Variants in DKC1 observed in about 807,000 individuals in gnomAD.
DKC1 encodes the protein H/ACA ribonucleoprotein complex subunit DKC1.
A neutral mutation model predicts 46.7 loss-of-function variants in DKC1; 4 were observed. The observed-to-expected ratio is 0.09, with a 90% CI of 0.04 to 0.20. DKC1 has a LOEUF of 0.20. Ranked by LOEUF, DKC1 falls within the 10% of genes least tolerant of loss-of-function variation. The probability of loss-of-function intolerance (pLI) is 1.00; values close to 1 mark genes in which losing one functional copy is unlikely to be tolerated. For synonymous variants in DKC1, 141 were observed against 142.4 expected (o/e 0.99, Z 0.07); for missense variants, 171 against 404.2 (o/e 0.42, Z 4.95).
chrX:154,769,718 T>G (rs2071797718), intron 9 of DKC1, among the ~76,000 whole-genome samples: 1 of 112,843 alleles, frequency 8.9e-6, no homozygotes. Flanking sequence ...GGTAATTATT[T>G]ATATTCAAAT....
chrX:154,762,910 T>C lies in DKC1; in HGVS notation c.-56T>C. 3.4e-6 allele frequency: 4 copies of C among 1,163,334 alleles called. No homozygotes were observed. The highest frequency in any genetic ancestry group is 4.6e-6 in the Non-Finnish European group (4 of 868,974). ...CCTGACGGGACCAAGGCGGCGGGAG[T>C]CTGCGGTCGTTCCCTCGGCTGTGGA... On this transcript the variant is annotated 5_prime_UTR_variant, in exon 1 of 15. Coordinates refer to ENST00000369550, the MANE Select transcript of DKC1 (RefSeq NM_001363.5).
chrX:154,775,244 G>A lies in DKC1; in HGVS notation c.1309G>A (p.Val437Ile), dbSNP rs1557265548. Residue 437 changes from valine to isoleucine, a missense_variant, in exon 13 of 15, where the codon GTA becomes ATA. By Grantham distance (29) the Val-to-Ile change is conservative. Around this residue, in one of 4 missense-constraint regions of DKC1, gnomAD observed 54 missense variants for 64.4 expected, o/e 0.84. Transcript: ENST00000369550. ...VVAEVVKAPQ[V>I]VAEAAKTAKR... ...TGCTGAAGTGGTAAAAGCCCCGCAG[G>A]TAGTTGCCGAAGCAGCAAAAACTGC... is the stretch of plus-strand genomic sequence containing the variant. 1.7e-6 allele frequency: 2 copies of A among 1,211,930 alleles called. No homozygotes were observed. The highest frequency in any genetic ancestry group is 2.2e-5 in the Admixed American group (1 of 46,120).
rs1557265675 is a variant in DKC1, at chrX:154,776,198, G to C, written c.1350G>C (p.Glu450Asp). 3 of 1,212,093 alleles carry C rather than the reference G, an allele frequency of 2.5e-6. No homozygotes were observed. In the Admixed American group the frequency reaches 6.5e-5, roughly 26 times the overall value. Residue 450 changes from glutamate (E) to aspartate (D), a missense_variant, in exon 14 of 15, where the codon GAG becomes GAC. Physicochemically the swap from Glu to Asp is conservative, Grantham distance 45. Coordinates refer to ENST00000369550, the MANE Select transcript of DKC1 (RefSeq NM_001363.5). Reference protein sequence around the residue: ...EAAKTAKRKRESESESDETPP... With the variant: ...EAAKTAKRKRDSESESDETPP... ...TGCTTTCATCTCAGCGGAAGCGAGA[G>C]AGTGAGAGTGAAAGTGACGAGACTC... is the stretch of plus-strand genomic sequence containing the variant.
At chrX:154,763,261 C>G (rs1557263786) in intron 1 of DKC1, among the ~76,000 whole-genome samples, 1 of 112,571 alleles carries the variant, frequency 8.9e-6, no homozygotes, top group African/African-American at 3.2e-5. Context: ...TGCTGCCCAC[C>G]CCGCGGTGGC....
chrX:154,769,534 A>G (rs782416401), intron 9 of DKC1, among the ~76,000 whole-genome samples: 11 of 111,908 alleles, frequency 9.8e-5, no homozygotes, highest in Non-Finnish European at 1.9e-4. Flanking sequence ...AGGCTGAGGC[A>G]AGAGGATCAC....
chrX:154,772,936 C>T (rs2071842060), intron 10 of DKC1, among the ~76,000 whole-genome samples, 195 bp from the exon 11 acceptor site: 1 of 111,862 alleles, frequency 8.9e-6, no homozygotes, highest in African/African-American at 3.3e-5. Flanking sequence ...AGAAGTTTAA[C>T]GTCATTTCAA....
At chrX:154,766,635 G>A in intron 5 of DKC1, 3 of 441,809 alleles carry the variant, frequency 6.8e-6, no homozygotes, top group Admixed American at 3.9e-5. Flanking sequence ...CCATTTGTCC[G>A]GGTTCAGCTC....
At chrX:154,763,106 G>T in intron 1 of DKC1, 125 bp downstream of exon 1, 1 of 877,146 alleles carries the variant, frequency 1.1e-6, no homozygotes. Context: ...CCTCTTCACC[G>T]CCCGGCCTTA....
chrX:154,769,056 C>A, intron 8 of DKC1, 111 bp from the exon 9 acceptor site: 4 of 466,351 alleles, frequency 8.6e-6, no homozygotes, highest in Non-Finnish European at 1.5e-5. Context: ...AGGCTGAAGA[C>A]ATAATGAGCT....
rs1467718236 is a variant in DKC1, at chrX:154,777,108, G to A, written c.*241G>A. 1.3e-5 allele frequency: 4 copies of A among 314,238 alleles called. No homozygotes were observed. In the Middle Eastern group the frequency reaches 2.1e-3, roughly 162 times the overall value. 25.9% of individuals were successfully genotyped at this position (314,238 alleles called of 1,213,427 possible). Reference sequence around the variant, plus strand: ...CAGAGTTTATCCCAATGACTTCTCTGTTTGAGTTGGGAAGCCTCACCTTCA... The same window carrying A: ...CAGAGTTTATCCCAATGACTTCTCTATTTGAGTTGGGAAGCCTCACCTTCA... On this transcript the variant is annotated 3_prime_UTR_variant, in exon 15 of 15. Transcript: ENST00000369550.
At chrX:154,771,189 T>G (rs1430240322) in intron 10 of DKC1, among the ~76,000 whole-genome samples, 1,342 of 74,480 alleles carry the variant, frequency 0.018, 29 homozygotes, top group African/African-American at 0.1. Context: ...GTGGTGGTGT[T>G]TTTTTTTTTT....
intron 9 of DKC1, among the ~76,000 whole-genome samples, chrX:154,770,467 T>TTAAAAAAAAA (rs782272867): frequency 1.5e-5 from 1 of 67,791 alleles, no homozygotes; most frequent in African/African-American, 5.8e-5. Context: ...GCCTGAAAAT[T>TTAAAAAAAAA]AAAAAAAAAA....
intron 10 of DKC1, among the ~76,000 whole-genome samples, chrX:154,772,602 T>G (rs1226865348): frequency 1.8e-5 from 2 of 112,527 alleles, no homozygotes; most frequent in Non-Finnish European, 3.8e-5. Flanking sequence ...AGTACCAGTG[T>G]TTTTTAACTT....
rs782548913 is a variant in DKC1 at position 154,776,884 on chromosome X, C to T, written c.*17C>T. On this transcript the variant is annotated 3_prime_UTR_variant, in exon 15 of 15. Coordinates refer to ENST00000369550, the MANE Select transcript of DKC1 (RefSeq NM_001363.5). Reference sequence around the variant, plus strand: ...TCTGAGTAGTGAAGGCCACTTGAAGCTGGAGGAGAAACTAAAGCCTTATTG... The same window carrying T: ...TCTGAGTAGTGAAGGCCACTTGAAGTTGGAGGAGAAACTAAAGCCTTATTG... 3.4e-6 allele frequency: 4 copies of T among 1,166,354 alleles called. No individual in the cohort carries two copies. The South Asian group carries it at 7.4e-5, about 22-fold the overall frequency.
rs371321732 is a variant in DKC1, at chrX:154,774,694, T to C, written c.1248T>C (p.Tyr416=). The C allele has an allele frequency of 3.3e-6, 4 of 1,207,813 alleles. No homozygotes were observed. The highest frequency in any genetic ancestry group is 4.5e-6 in the Non-Finnish European group (4 of 893,207). ...DSTPATWKQE[Y]VDYSESAKKE... The stretch of plus-strand genomic sequence containing the variant: ...CACCTGCCACCTGGAAGCAGGAGTA[T>C]GTTGACTACAGGTGAGGGCAGGATG... Residue 416 remains tyrosine, a synonymous_variant, in exon 12 of 15, where the codon TAT becomes TAC. Transcript: ENST00000369550.
chrX:154,770,139 G>A (rs1557264726), intron 9 of DKC1, among the ~76,000 whole-genome samples: 1 of 111,475 alleles, frequency 9.0e-6, no homozygotes, highest in Non-Finnish European at 1.9e-5. Flanking sequence ...GGAGAGAGGA[G>A]TAATTAAGGA....
intron 13 of DKC1, 136 bp from the exon 14 acceptor site, chrX:154,776,051 C>T (rs1341132729): frequency 7.6e-6 from 6 of 794,353 alleles, no homozygotes; most frequent in Non-Finnish European, 9.5e-6. Context: ...AGGCCCTGTC[C>T]GGGTTTGTAG....
At chrX:154,774,958 G>A (rs2071877379) in intron 12 of DKC1, 1 of 576,153 alleles carries the variant, frequency 1.7e-6, no homozygotes. Flanking sequence ...GCTCCCGTGA[G>A]ATTTTGGCTG....
Position 154,776,919 on chromosome X carries a change from G to T in DKC1, c.*52G>T, listed in dbSNP as rs782173223. ...AACTAAAGCCTTATTGAGAAAACAT[G>T]TTATAGATCCTTTTGTTGCTGAGAG... is the stretch of plus-strand genomic sequence containing the variant. On this transcript the variant is annotated 3_prime_UTR_variant, in exon 15 of 15. Transcript: ENST00000369550. The T allele has an allele frequency of 4.7e-5, 48 of 1,023,903 alleles. No homozygotes were observed. Among genetic ancestry groups the T allele is most frequent in the Middle Eastern group, 2.6e-4 (1 of 3,879 alleles). 84.4% of individuals were successfully genotyped at this position (1,023,903 alleles called of 1,213,427 possible). A position where few individuals can be genotyped will look rare whatever the true frequency, so the allele number is the denominator to read the frequency against.
Sources: allele counts gnomAD v4.1 joint callset (sites outside exome capture counted in the v4.1 genomes callset), GRCh38; gene constraint gnomAD v4.1.1; regional missense constraint gnomAD v4.1.1; transcripts MANE v1.5; gene names NCBI Gene and HGNC (gene_info 2026-07-23, HGNC 2026-07-21).